Variants in TCF7L2 observed in about 807,000 individuals in gnomAD.
The protein encoded by TCF7L2 is transcription factor 7-like 2.
Under a neutral mutation model 77.9 loss-of-function variants are expected in TCF7L2, and 23 were observed. The observed-to-expected ratio is 0.30, with a 90% CI of 0.21 to 0.42. The LOEUF is 0.42. Ranked by LOEUF, TCF7L2 falls within the 10% of genes least tolerant of loss-of-function variation. The probability of loss-of-function intolerance (pLI) is 1.00; values close to 1 mark genes in which losing one functional copy is unlikely to be tolerated. For missense variants in TCF7L2, 654 were observed against 793.1 expected, an observed-to-expected ratio of 0.82 and a Z score of 2.11; for synonymous variants, 413 against 340.2, an observed-to-expected ratio of 1.21 and a Z score of -2.36.
chr10:113,039,959 C>A, intron 4 of TCF7L2, 66 bp from the exon 5 acceptor site: 1 of 1,371,462 alleles, frequency 7.3e-7, no homozygotes, highest in Admixed American at 1.8e-5. Flanking sequence ...ATTTCTTGGG[C>A]TAGTTGTTCT....
intron 4 of TCF7L2, among the ~76,000 whole-genome samples, chr10:113,000,130 T>C (rs901062039): frequency 1.3e-5 from 2 of 152,210 alleles, no homozygotes; most frequent in African/African-American, 4.8e-5. Flanking sequence ...GCAATGTTCT[T>C]TGTGGGACCG....
At chr10:113,064,222 C>G (rs2056931389) in intron 5 of TCF7L2, among the ~76,000 whole-genome samples, 1 of 152,244 alleles carries the variant, frequency 6.6e-6, no homozygotes, top group East Asian at 1.9e-4. Context: ...CCGGAAGGAG[C>G]CTAATACCTG....
At chr10:113,058,114 G>C (rs1192881871) in intron 5 of TCF7L2, among the ~76,000 whole-genome samples, 1 of 152,148 alleles carries the variant, frequency 6.6e-6, no homozygotes, top group Non-Finnish European at 1.5e-5. Flanking sequence ...GGAAGAAGGT[G>C]GTGGCTATAA....
In TCF7L2 at chr10:113,126,573, A is replaced by T. The variant is rs1189068444; in HGVS notation, c.553-14611A>T. Reference sequence around the variant, plus strand: ...TAAGAAAGCCCTGCCTTTTTTTTTTAAACGCCCCCTCCCTTTTGTGGGGGG... The same window carrying T: ...TAAGAAAGCCCTGCCTTTTTTTTTTTAACGCCCCCTCCCTTTTGTGGGGGG... On this transcript the variant is annotated intron_variant, in intron 5 of 13. Coordinates refer to ENST00000627217, the MANE Select transcript of TCF7L2 (RefSeq NM_001146274.2). 6.1e-6 allele frequency: 6 copies of T among 984,412 alleles called. No homozygotes were observed. In the Admixed American group the frequency reaches 1.8e-4, roughly 30 times the overall value. The allele number at this position is 984,412 out of a possible 1,614,324, so 61.0% of individuals were successfully genotyped here.
At chr10:113,060,907 T>C (rs1022371189) in intron 5 of TCF7L2, among the ~76,000 whole-genome samples, 1 of 151,926 alleles carries the variant, frequency 6.6e-6, no homozygotes, top group African/African-American at 2.4e-5. Context: ...CCATGTGGAG[T>C]CCTGGCTGCC....
At chr10:113,002,540 G>T (rs953036840) in intron 4 of TCF7L2, among the ~76,000 whole-genome samples, 2 of 152,156 alleles carry the variant, frequency 1.3e-5, no homozygotes, top group East Asian at 1.9e-4. Context: ...CTGGCTGTGT[G>T]TGGGGGTGTG....
intron 4 of TCF7L2, among the ~76,000 whole-genome samples, chr10:113,021,083 G>A (rs978011433): frequency 2.6e-5 from 4 of 152,086 alleles, no homozygotes; most frequent in Admixed American, 6.6e-5. Flanking sequence ...AATATTTGTC[G>A]AATGTTAAAT....
intron 5 of TCF7L2, among the ~76,000 whole-genome samples, chr10:113,051,679 G>A (rs2054504960): frequency 2.0e-5 from 3 of 152,158 alleles, no homozygotes; most frequent in Non-Finnish European, 4.4e-5. Flanking sequence ...AAGAGAGGCT[G>A]GTATGAAAGA....
intron 5 of TCF7L2, among the ~76,000 whole-genome samples, chr10:113,074,367 T>A (rs191804275): frequency 1.3e-5 from 2 of 152,302 alleles, no homozygotes; most frequent in African/African-American, 4.8e-5. Flanking sequence ...TGGGCTATTA[T>A]GATTAGCAGA....
intron 5 of TCF7L2, among the ~76,000 whole-genome samples, chr10:113,113,650 T>A (rs2063400958): frequency 6.6e-6 from 1 of 152,218 alleles, no homozygotes; most frequent in Admixed American, 6.5e-5. Flanking sequence ...CAAAGAACTG[T>A]GTGGTTTCTC....
At chr10:113,118,551 G>GTGTGTT (rs1030703346) in intron 5 of TCF7L2, among the ~76,000 whole-genome samples, 1 of 150,262 alleles carries the variant, frequency 6.7e-6, no homozygotes, top group African/African-American at 2.4e-5. Flanking sequence ...GTGTGTGTGT[G>GTGTGTT]TGTTTGTTCA....
intron 5 of TCF7L2, among the ~76,000 whole-genome samples, chr10:113,080,914 T>C (rs1448871080): frequency 6.6e-6 from 1 of 152,218 alleles, no homozygotes; most frequent in East Asian, 1.9e-4. Flanking sequence ...AAAGAGGATA[T>C]GTAATTGGGG....
chr10:113,061,930 G>A (rs942104529), intron 5 of TCF7L2, among the ~76,000 whole-genome samples: 11 of 152,192 alleles, frequency 7.2e-5, no homozygotes, highest in African/African-American at 2.4e-4. Context: ...AGTGGAGAGA[G>A]CTTTAGAAGC....
chr10:113,008,418 G>T (rs370744415), intron 4 of TCF7L2, among the ~76,000 whole-genome samples: 4 of 152,162 alleles, frequency 2.6e-5, no homozygotes, highest in Admixed American at 6.5e-5. Flanking sequence ...TCACCTTTCT[G>T]TGGGGTCTTG....
In TCF7L2 at chr10:113,167,415, G is replaced by C. The variant is rs902971018; in HGVS notation, c.*1443G>C. 4.4e-6 allele frequency: 1 copy of C among 225,510 alleles called. No homozygotes were observed. The highest frequency in any genetic ancestry group is 8.8e-6 in the Non-Finnish European group (1 of 113,364). The allele number at this position is 225,510 out of a possible 1,614,324, so 14.0% of individuals were successfully genotyped here. ...TATAAAGCTGAAACCTGTTCATTCA[G>C]TGCCATTGTAGTTGACATGAAGCGA... On this transcript the variant is annotated 3_prime_UTR_variant, in exon 14 of 14. Coordinates refer to ENST00000627217, the MANE Select transcript of TCF7L2 (RefSeq NM_001146274.2).
At chr10:113,150,854 A>G (rs2137115265) in intron 8 of TCF7L2, 144 bp from the exon 9 acceptor site, 1 of 1,018,112 alleles carries the variant, frequency 9.8e-7, no homozygotes, top group Non-Finnish European at 1.4e-6. Context: ...ATCGCTAATT[A>G]ATGCTGACAG....
chr10:113,065,192 G>C (rs1412277001), intron 5 of TCF7L2, among the ~76,000 whole-genome samples: 1 of 152,228 alleles, frequency 6.6e-6, no homozygotes, highest in African/African-American at 2.4e-5. Context: ...AAGGTGTTTA[G>C]TGTGGCCTAT....
At chr10:113,134,216 C>T (rs1159556376) in intron 5 of TCF7L2, among the ~76,000 whole-genome samples, 1 of 152,114 alleles carries the variant, frequency 6.6e-6, no homozygotes, top group Non-Finnish European at 1.5e-5. Context: ...TGGCTAGCTG[C>T]GAGGGGAGAG....
rs1163903811 is a variant in TCF7L2, at chr10:113,052,062, G to A, written c.552+11936G>A. Among the ~76,000 whole-genome samples the A allele has an allele frequency of 6.6e-5, 10 of 152,272 alleles. No homozygotes were observed. The East Asian group carries it at 1.9e-3, about 29-fold the overall frequency. ...AAATTGGTGGCAAGCTGAGCATACA[G>A]TTGTTTATTTCTGTTTGACTGATTA... is the stretch of plus-strand genomic sequence containing the variant. On this transcript the variant is annotated intron_variant, in intron 5 of 13. Coordinates refer to ENST00000627217, the MANE Select transcript of TCF7L2 (RefSeq NM_001146274.2).
Sources: allele counts gnomAD v4.1 joint callset (sites outside exome capture counted in the v4.1 genomes callset), GRCh38; gene constraint gnomAD v4.1.1; transcripts MANE v1.5; gene names NCBI Gene and HGNC (gene_info 2026-07-23, HGNC 2026-07-21).